TRAPPC9: variants seen among roughly 807,000 people sequenced by gnomAD.
TRAPPC9 encodes IKK2 binding protein.
TRAPPC9 carries 83 observed loss-of-function variants against 124.0 expected under a neutral mutation model. The ratio of observed to expected loss-of-function variants is 0.67; its 90% confidence interval spans 0.56 to 0.80. The LOEUF is 0.80. Ranked by LOEUF, TRAPPC9 falls within the 30% of genes least tolerant of loss-of-function variation. The pLI, the probability that TRAPPC9 is intolerant of heterozygous loss-of-function variation, is 0.00. For missense variants in TRAPPC9, 1,302 were observed against 1,508.3 expected (o/e 0.86, Z 2.27); for synonymous variants, 638 against 617.5 (o/e 1.03, Z -0.49).
Position 139,757,377 on chromosome 8 carries a change from G to T in TRAPPC9, c.3056-25175C>A, listed in dbSNP as rs576090047. ...AGGAGGAGCCAGCGTTGGGGGATGA[G>T]GACAGCAGGTCGCAGGAGGAGCCAG... On this transcript the variant is annotated intron_variant, in intron 21 of 22. Transcript: ENST00000438773. Among the ~76,000 whole-genome samples the T allele has an allele frequency of 1.6e-3, 235 of 145,992 alleles. 3 individuals carry two copies. Among genetic ancestry groups the T allele is most frequent in the African/African-American group, 5.1e-3 (197 of 38,636 alleles).
chr8:140,412,612 CA>C (rs2069746342), intron 5 of TRAPPC9, among the ~76,000 whole-genome samples: 1 of 151,648 alleles, frequency 6.6e-6, no homozygotes, highest in South Asian at 2.1e-4. Flanking sequence ...TCAAATCGCT[CA>C]AAAAAAACTT....
chr8:140,232,359 G>C (rs2063619797), intron 16 of TRAPPC9, among the ~76,000 whole-genome samples: 1 of 152,102 alleles, frequency 6.6e-6, no homozygotes, highest in Admixed American at 6.6e-5. Context: ...ATCTTGGGGA[G>C]CAAGTGGAGG....
At chr8:140,192,974 C>T (rs1425161150) in intron 17 of TRAPPC9, among the ~76,000 whole-genome samples, 1 of 152,206 alleles carries the variant, frequency 6.6e-6, no homozygotes, top group East Asian at 1.9e-4. Context: ...GATAGGGTTT[C>T]ACCATGTTGG....
At chr8:140,223,005 C>T (rs76899725) in intron 16 of TRAPPC9, among the ~76,000 whole-genome samples, 136 of 152,306 alleles carry the variant, frequency 8.9e-4, no homozygotes, top group Admixed American at 1.3e-3. Flanking sequence ...AACTTGCCCT[C>T]GTTTTATTTA....
chr8:139,846,666 A>G (rs1427286639), intron 21 of TRAPPC9, among the ~76,000 whole-genome samples: 1 of 152,234 alleles, frequency 6.6e-6, no homozygotes, highest in Non-Finnish European at 1.5e-5. Flanking sequence ...TGCTAGCCGC[A>G]TTGGAAGCTG....
At chr8:140,090,467 G>A (rs1844491963) in intron 17 of TRAPPC9, among the ~76,000 whole-genome samples, 1 of 152,224 alleles carries the variant, frequency 6.6e-6, no homozygotes, top group Non-Finnish European at 1.5e-5. Context: ...ACATTAAACA[G>A]CTTATACTCT....
At position 139,757,347 on chromosome 8, in the gene TRAPPC9, G is replaced by C. The variant is rs1255714767; in HGVS notation, c.3056-25145C>G. On this transcript the variant is annotated intron_variant, in intron 21 of 22. Coordinates refer to ENST00000438773, the MANE Select transcript of TRAPPC9 (RefSeq NM_001160372.4). The stretch of plus-strand genomic sequence containing the variant: ...CAGGGATTGGGGATGAGGACAGCAG[G>C]TCGCAGGAGGAGCCAGCGTTGGGGG... 3.8e-3 allele frequency among the ~76,000 whole-genome samples: 551 copies of C among 143,480 alleles called. 5 individuals carry two copies. The highest frequency in any genetic ancestry group is 0.014 in the African/African-American group (526 of 37,652). The allele number at this position is 143,480 out of a possible 152,430, so 94.1% of individuals were successfully genotyped here.
At chr8:139,848,180 G>A (rs117016865) in intron 21 of TRAPPC9, among the ~76,000 whole-genome samples, 438 of 152,348 alleles carry the variant, frequency 2.9e-3, no homozygotes, top group Admixed American at 4.6e-3. Flanking sequence ...CATGACTGAA[G>A]ACAAATGTCC....
In TRAPPC9 at chr8:139,917,167, C is replaced by CTTTTTTTTTTTTTT. The variant is rs71318317; in HGVS notation, c.2811-6881_2811-6868dup. Among the ~76,000 whole-genome samples the CTTTTTTTTTTTTTT allele has an allele frequency of 3.1e-3, 312 of 99,926 alleles. 10 individuals carry two copies. Among genetic ancestry groups the CTTTTTTTTTTTTTT allele is most frequent in the African/African-American group, 3.8e-3 (89 of 23,234 alleles). 65.6% of individuals were successfully genotyped at this position (99,926 alleles called of 152,430 possible). A position where few individuals can be genotyped will look rare whatever the true frequency, so the allele number is the denominator to read the frequency against. Reference sequence around the variant, plus strand: ...AGAAATCCTTCTTCATTATTATTTTCTTTTTTTTTTTTTTTTTTTTTGTTG... The same window carrying CTTTTTTTTTTTTTT: ...AGAAATCCTTCTTCATTATTATTTTCTTTTTTTTTTTTTTTTTTTTTTTTTTTTTTTTTTTGTTG... On this transcript the variant is annotated intron_variant, in intron 19 of 22. Coordinates refer to ENST00000438773, the MANE Select transcript of TRAPPC9 (RefSeq NM_001160372.4).
chr8:140,386,695 T>C (rs1300235083), intron 7 of TRAPPC9, among the ~76,000 whole-genome samples: 5 of 152,336 alleles, frequency 3.3e-5, no homozygotes, highest in Non-Finnish European at 7.3e-5. Context: ...GAACATTCCA[T>C]GTTCACAGAT....
In TRAPPC9 at chr8:140,212,547, T is replaced by G. The variant is rs577131329; in HGVS notation, c.2556+8912A>C. On this transcript the variant is annotated intron_variant, in intron 17 of 22. Coordinates refer to ENST00000438773, the MANE Select transcript of TRAPPC9 (RefSeq NM_001160372.4). ...GGATATTGGTCTGTAGTGCTTTGGG[T>G]TGTACTCTTTGGGGATTTTTTTCCC... 2.0e-5 allele frequency among the ~76,000 whole-genome samples: 3 copies of G among 152,188 alleles called. No homozygotes were observed. In the South Asian group the frequency reaches 6.2e-4, roughly 32 times the overall value.
At chr8:139,886,945 C>T (rs955084265) in intron 20 of TRAPPC9, among the ~76,000 whole-genome samples, 2 of 152,152 alleles carry the variant, frequency 1.3e-5, no homozygotes, top group African/African-American at 2.4e-5. Flanking sequence ...CTGAGCATTG[C>T]GAGAGAGAGG....
At chr8:139,887,676 C>A (rs1384585564) in intron 20 of TRAPPC9, among the ~76,000 whole-genome samples, 2 of 152,178 alleles carry the variant, frequency 1.3e-5, no homozygotes, top group African/African-American at 4.8e-5. Flanking sequence ...TCAACCTGAC[C>A]TTGCTTCTCC....
intron 9 of TRAPPC9, among the ~76,000 whole-genome samples, chr8:140,324,167 T>A (rs1333414435): frequency 6.6e-6 from 1 of 152,038 alleles, no homozygotes; most frequent in Non-Finnish European, 1.5e-5. Flanking sequence ...AAACAACCTT[T>A]AAATATGAAG....
chr8:139,779,792 A>C (rs1198453377), intron 21 of TRAPPC9, among the ~76,000 whole-genome samples: 1 of 152,040 alleles, frequency 6.6e-6, no homozygotes, highest in Non-Finnish European at 1.5e-5. Context: ...GACAAAAAAA[A>C]CCCTCCTGGA....
chr8:140,256,168 G>A (rs2064252693), intron 15 of TRAPPC9, among the ~76,000 whole-genome samples: 1 of 152,196 alleles, frequency 6.6e-6, no homozygotes, highest in South Asian at 2.1e-4. Context: ...TTCTCTGTCT[G>A]GAAACCCGCT....
At chr8:140,367,726 A>G (rs1433451323) in intron 8 of TRAPPC9, among the ~76,000 whole-genome samples, 4 of 152,192 alleles carry the variant, frequency 2.6e-5, no homozygotes, top group Non-Finnish European at 5.9e-5. Context: ...TAAACTACGA[A>G]CTTTGGGTGA....
At chr8:139,999,761 G>A (rs1838269943) in intron 18 of TRAPPC9, among the ~76,000 whole-genome samples, 1 of 152,176 alleles carries the variant, frequency 6.6e-6, no homozygotes. Context: ...ATGGTAGAAG[G>A]AAAGCTAGAA....
chr8:140,073,260 A>C (rs1453223325), intron 17 of TRAPPC9, among the ~76,000 whole-genome samples: 1 of 152,240 alleles, frequency 6.6e-6, no homozygotes, highest in Non-Finnish European at 1.5e-5. Flanking sequence ...AAATTACTTG[A>C]AAAATGTTCA....
Sources: allele counts gnomAD v4.1 joint callset (sites outside exome capture counted in the v4.1 genomes callset), GRCh38; gene constraint gnomAD v4.1.1; transcripts MANE v1.5; gene names NCBI Gene and HGNC (gene_info 2026-07-23, HGNC 2026-07-21).